Variants in ARID5B observed in about 807,000 individuals in gnomAD.
ARID5B encodes AT-rich interaction domain 5B.
Under a neutral mutation model 97.2 loss-of-function variants are expected in ARID5B, and 13 were observed. The ratio of observed to expected loss-of-function variants is 0.13; its 90% CI spans 0.09 to 0.21. The LOEUF (loss-of-function observed/expected upper bound fraction) is 0.21. Among genes scored for constraint, ARID5B ranks in the 10% least tolerant of loss-of-function variants. The pLI is 1.00. For missense variants in ARID5B, 1,210 were observed against 1,465.3 expected, an observed-to-expected ratio of 0.83 and a Z score of 2.84; for synonymous variants, 556 against 570.3, an observed-to-expected ratio of 0.97 and a Z score of 0.36.
At position 62,091,667 on chromosome 10, in the gene ARID5B, C is replaced by G; in HGVS notation, c.2204C>G (p.Thr735Ser). The G allele has an allele frequency of 2.5e-6, 4 of 1,614,160 alleles. No homozygotes were observed. Among genetic ancestry groups the G allele is most frequent in the Non-Finnish European group, 2.5e-6 (3 of 1,180,028 alleles). ...GACTTGTGTTCCAGTTTGTCCCAGA[C>G]CCACCATGGCCAAAGCACTGACCAT... Reference protein sequence around the residue: ...RDDLCSSLSQTHHGQSTDHMA... With the variant: ...RDDLCSSLSQSHHGQSTDHMA... The change falls in exon 10 of 10, where the codon ACC (threonine) becomes AGC (serine). Residue 735 changes from threonine (T) to serine (S), a missense_variant. By Grantham distance (58) the Thr-to-Ser change is moderately conservative. This residue lies in a region of ARID5B where 800 missense variants were observed against 839.1 expected (regional missense o/e 0.95). Coordinates refer to ENST00000279873, the MANE Select transcript of ARID5B (RefSeq NM_032199.3).
intron 5 of ARID5B, among the ~76,000 whole-genome samples, chr10:62,053,608 A>C (rs528461467): frequency 2.0e-5 from 3 of 152,334 alleles, no homozygotes; most frequent in South Asian, 2.1e-4. Flanking sequence ...CCTTTCATAG[A>C]GTGATCTATA....
At chr10:62,060,212 G>A (rs1839904857) in intron 7 of ARID5B, among the ~76,000 whole-genome samples, 1 of 152,144 alleles carries the variant, frequency 6.6e-6, no homozygotes, top group African/African-American at 2.4e-5. Context: ...TAGCCCAAAC[G>A]TAATAACCAG....
At chr10:61,906,329 T>C (rs1308835400) in intron 2 of ARID5B, among the ~76,000 whole-genome samples, 1 of 152,172 alleles carries the variant, frequency 6.6e-6, no homozygotes, top group Admixed American at 6.5e-5. Flanking sequence ...TTAAGTGTCT[T>C]TAGTAATTAC....
intron 8 of ARID5B, among the ~76,000 whole-genome samples, chr10:62,074,002 G>A (rs928106273): frequency 2.6e-5 from 4 of 152,090 alleles, no homozygotes; most frequent in African/African-American, 9.7e-5. Flanking sequence ...TGATTTTCTG[G>A]AATAGTAAAT....
At chr10:62,083,017 GA>G (rs1204001973) in intron 8 of ARID5B, among the ~76,000 whole-genome samples, 1 of 151,838 alleles carries the variant, frequency 6.6e-6, no homozygotes, top group Non-Finnish European at 1.5e-5. Flanking sequence ...CAATGATTTA[GA>G]AGGGGGGGAA....
chr10:62,062,084 G>A (rs1275599655), intron 7 of ARID5B, among the ~76,000 whole-genome samples: 1 of 152,104 alleles, frequency 6.6e-6, no homozygotes, highest in African/African-American at 2.4e-5. Flanking sequence ...TATAAGTACA[G>A]AATACATTTT....
chr10:62,078,861 A>G lies in ARID5B; in HGVS notation c.1200-6841A>G, dbSNP rs562708825. 1.1e-4 allele frequency among the ~76,000 whole-genome samples: 16 copies of G among 152,376 alleles called. No individual in the cohort carries two copies. The South Asian group carries it at 3.3e-3, about 32-fold the overall frequency. ...GATTAAGTCCTAGAGGCTGGAATTC[A>G]TGGAGGATATGATTCTCAAGTTTCT... is the stretch of plus-strand genomic sequence containing the variant. On this transcript the variant is annotated intron_variant, in intron 8 of 9. Transcript: ENST00000279873.
In ARID5B at chr10:62,059,227, A is replaced by AT. The variant is rs1839893312; in HGVS notation, c.1049-14dup. The AT allele has an allele frequency of 6.2e-7, 1 of 1,600,812 alleles. No homozygotes were observed. The highest frequency in any genetic ancestry group is 1.3e-5 in the African/African-American group (1 of 74,576). On this transcript the variant is annotated splice_polypyrimidine_tract_variant and intron_variant, in intron 6 of 9. Coordinates refer to ENST00000279873, the MANE Select transcript of ARID5B (RefSeq NM_032199.3). ...TAATGCAATGCTTATCTAAATACTT[A>AT]TTGTCCCTCTAACAGTTAACCTTTG...
intron 4 of ARID5B, among the ~76,000 whole-genome samples, chr10:62,010,358 C>T (rs1215898764): frequency 6.6e-6 from 1 of 152,168 alleles, no homozygotes; most frequent in Non-Finnish European, 1.5e-5. Context: ...GTTTTTCCCC[C>T]TCTGCCTGTT....
chr10:61,993,795 G>C (rs914861064), intron 3 of ARID5B, among the ~76,000 whole-genome samples: 1 of 152,064 alleles, frequency 6.6e-6, no homozygotes, highest in Non-Finnish European at 1.5e-5. Context: ...CTTTGCCGTT[G>C]GTTGGTTGCT....
intron 3 of ARID5B, among the ~76,000 whole-genome samples, chr10:61,955,805 C>A (rs765548169): frequency 1.4e-4 from 21 of 152,172 alleles, no homozygotes; most frequent in Non-Finnish European, 2.8e-4. Context: ...CACCTGCCAC[C>A]ACGCCCAGCT....
chr10:61,941,259 C>T (rs894265764), intron 3 of ARID5B, among the ~76,000 whole-genome samples: 1 of 150,992 alleles, frequency 6.6e-6, no homozygotes, highest in Admixed American at 6.6e-5. Context: ...TTTTTCTTAA[C>T]ACTTTCTTCT....
intron 3 of ARID5B, among the ~76,000 whole-genome samples, chr10:61,978,422 T>C (rs1285575488): frequency 6.6e-6 from 1 of 152,244 alleles, no homozygotes; most frequent in Admixed American, 6.5e-5. Flanking sequence ...TTGATGAGAA[T>C]GGCATTGAAT....
chr10:61,960,826 C>G (rs1284593045), intron 3 of ARID5B, among the ~76,000 whole-genome samples: 1 of 152,214 alleles, frequency 6.6e-6, no homozygotes, highest in African/African-American at 2.4e-5. Context: ...TTGTACTTGG[C>G]AGCAACATAA....
At chr10:62,087,309 A>AAAAAAAAAAAAAG in intron 9 of ARID5B, among the ~76,000 whole-genome samples, 1 of 149,726 alleles carries the variant, frequency 6.7e-6, no homozygotes. Flanking sequence ...AAAAAAAAAA[A>AAAAAAAAAAAAAG]AAAAAAAAAG....
chr10:61,948,223 T>C (rs953331144), intron 3 of ARID5B, among the ~76,000 whole-genome samples: 1 of 152,102 alleles, frequency 6.6e-6, no homozygotes, highest in African/African-American at 2.4e-5. Context: ...TGAAACTCTT[T>C]ATAGAATTGT....
intron 7 of ARID5B, among the ~76,000 whole-genome samples, chr10:62,066,868 T>C (rs1447179409): frequency 1.3e-5 from 2 of 152,214 alleles, no homozygotes; most frequent in Non-Finnish European, 2.9e-5. Context: ...TTGATATATG[T>C]GTTCACTCGT....
At chr10:62,030,090 A>G (rs1044199789) in intron 4 of ARID5B, among the ~76,000 whole-genome samples, 30 of 152,192 alleles carry the variant, frequency 2.0e-4, no homozygotes, top group African/African-American at 7.0e-4. Context: ...TATGAAATAC[A>G]CATGTCAGGA....
chr10:61,969,062 C>T (rs1045658562), intron 3 of ARID5B, among the ~76,000 whole-genome samples: 2 of 152,102 alleles, frequency 1.3e-5, no homozygotes, highest in Non-Finnish European at 2.9e-5. Flanking sequence ...CTAATCTTGC[C>T]ACAACTGTCT....
Sources: allele counts gnomAD v4.1 joint callset (sites outside exome capture counted in the v4.1 genomes callset), GRCh38; gene constraint gnomAD v4.1.1; regional missense constraint gnomAD v4.1.1; transcripts MANE v1.5; gene names NCBI Gene and HGNC (gene_info 2026-07-23, HGNC 2026-07-21).